The following AKAP9 variants were observed in gnomAD, a reference collection of about 807,000 sequenced individuals.
AKAP9 encodes the protein A-kinase anchoring protein 9.
AKAP9 carries 311 observed loss-of-function variants against 488.5 expected under a neutral mutation model. The observed-to-expected ratio is 0.64, with a 90% CI of 0.58 to 0.70. The LOEUF (loss-of-function observed/expected upper bound fraction) is 0.70, where lower values mean the gene tolerates loss of function less well. Among genes scored for constraint, AKAP9 ranks in the 30% least tolerant of loss-of-function variants. The probability of loss-of-function intolerance (pLI) is 0.00; values close to 1 mark genes in which losing one functional copy is unlikely to be tolerated. For missense variants in AKAP9, 4,215 were observed against 4,374.5 expected, an observed-to-expected ratio of 0.96 and a Z score of 1.03; for synonymous variants, 1,462 against 1,483.5, an observed-to-expected ratio of 0.99 and a Z score of 0.33.
intron 1 of AKAP9, among the ~76,000 whole-genome samples, chr7:91,959,734 AATTAT>A (rs1207944995): frequency 6.6e-6 from 1 of 152,164 alleles, no homozygotes; most frequent in East Asian, 1.9e-4. Context: ...TTTAAAAAAA[AATTAT>A]ATTAAATGAG....
Position 92,079,785 on chromosome 7 carries a change from T to G in AKAP9, c.7652T>G (p.Val2551Gly). 6.2e-7 allele frequency: 1 copy of G among 1,614,042 alleles called. No homozygotes were observed. Among genetic ancestry groups the G allele is most frequent in the Non-Finnish European group, 8.5e-7 (1 of 1,179,988 alleles). The change falls in exon 31 of 50, where the codon GTG becomes GGG. Residue 2551 changes from valine (V) to glycine (G), a missense_variant. Coordinates refer to ENST00000356239, the MANE Select transcript of AKAP9 (RefSeq NM_005751.5). ...VNLQKIVEEK[V>G]AAALVSQIQL... ...CTACAGAAAATAGTTGAAGAAAAAGTGGCTGCTGCTCTTGTCAGTCAAATC... is the reference window on the plus strand; with the variant it reads ...CTACAGAAAATAGTTGAAGAAAAAGGGGCTGCTGCTCTTGTCAGTCAAATC...
Position 92,002,873 on chromosome 7 carries a change from GAGAA to G in AKAP9, c.2961_2964del (p.Lys987AsnfsTer5). ...TGAAGAAGTTAAATCTTTAAAGCAA[GAGAA>G]AGAACAAGTTTCATTGAGATGTAGA... On this transcript the variant is annotated frameshift_variant, in exon 8 of 50. Transcript: ENST00000356239. LOFTEE classifies it high-confidence loss of function. 3 of 1,612,722 alleles carry G rather than the reference GAGAA, an allele frequency of 1.9e-6. No homozygotes were observed. The highest frequency in any genetic ancestry group is 2.5e-6 in the Non-Finnish European group (3 of 1,179,382).
At chr7:91,985,869 G>A (rs988918434) in intron 3 of AKAP9, among the ~76,000 whole-genome samples, 1 of 152,016 alleles carries the variant, frequency 6.6e-6, no homozygotes, top group Non-Finnish European at 1.5e-5. Context: ...AGCTGGTCTC[G>A]AACTCCTGAC....
chr7:92,024,358 G>C (rs1297350149), intron 14 of AKAP9, among the ~76,000 whole-genome samples: 2 of 151,280 alleles, frequency 1.3e-5, no homozygotes, highest in Non-Finnish European at 2.9e-5. Flanking sequence ...GTTGCAGTGA[G>C]CTGAATTTGC....
intron 8 of AKAP9, 131 bp downstream of exon 8, chr7:92,003,366 T>A (rs1799406111): frequency 4.2e-6 from 3 of 708,550 alleles, no homozygotes; most frequent in Non-Finnish European, 6.8e-6. Context: ...GATGTAATTT[T>A]AACTTGAGCC....
At position 92,014,280 on chromosome 7, in the gene AKAP9, T is replaced by C. The variant is rs748732800; in HGVS notation, c.3564T>C (p.Ile1188=). 1.2e-6 allele frequency: 2 copies of C among 1,613,522 alleles called. No individual in the cohort carries two copies. The highest frequency in any genetic ancestry group is 1.1e-5 in the South Asian group (1 of 91,048). ...GDEGKPLHLL[I]GKLQKAVSEE... ...AAGGAAAGCCTTTACATCTGCTCATTGGAAAACTTCAAAAGGCAGTGTCTG... is the reference window on the plus strand; with the variant it reads ...AAGGAAAGCCTTTACATCTGCTCATCGGAAAACTTCAAAAGGCAGTGTCTG... Residue 1188 remains isoleucine, a synonymous_variant, in exon 10 of 50, where the codon ATT becomes ATC. Transcript: ENST00000356239.
At chr7:91,963,798 G>A (rs562834799) in intron 1 of AKAP9, among the ~76,000 whole-genome samples, 3 of 152,198 alleles carry the variant, frequency 2.0e-5, no homozygotes, top group African/African-American at 4.8e-5. Flanking sequence ...GATTACAGGC[G>A]TGAGCCACCG....
chr7:92,030,095 C>A, intron 15 of AKAP9, 104 bp downstream of exon 15: 1 of 804,638 alleles, frequency 1.2e-6, no homozygotes, highest in Non-Finnish European at 2.0e-6. Flanking sequence ...GAGAAGTAAG[C>A]ATAATAAATA....
At chr7:92,050,043 T>C (rs1468465616) in intron 21 of AKAP9, among the ~76,000 whole-genome samples, 1 of 151,258 alleles carries the variant, frequency 6.6e-6, no homozygotes, top group East Asian at 1.9e-4. Flanking sequence ...TGTTCCCTGC[T>C]CAAGGTAAAT....
At chr7:91,951,957 T>G (rs1304256784) in intron 1 of AKAP9, among the ~76,000 whole-genome samples, 1 of 152,216 alleles carries the variant, frequency 6.6e-6, no homozygotes, top group Non-Finnish European at 1.5e-5. Context: ...TGCAGTCCAA[T>G]AAAATCAGGC....
intron 1 of AKAP9, among the ~76,000 whole-genome samples, chr7:91,967,261 A>G (rs1246119622): frequency 2.0e-5 from 3 of 152,168 alleles, no homozygotes; most frequent in Admixed American, 2.0e-4. Flanking sequence ...ATTGTATGCA[A>G]ATAAGGCTAA....
chr7:92,067,076 G>A (rs1364423860), intron 26 of AKAP9, among the ~76,000 whole-genome samples: 1 of 152,160 alleles, frequency 6.6e-6, no homozygotes, highest in Non-Finnish European at 1.5e-5. Context: ...CTGTGACACA[G>A]CTACTCCACT....
chr7:91,959,621 G>C (rs933022621), intron 1 of AKAP9, among the ~76,000 whole-genome samples: 6 of 152,068 alleles, frequency 3.9e-5, no homozygotes, highest in African/African-American at 1.4e-4. Flanking sequence ...TGTCTACTAT[G>C]TGGCAGGCAG....
intron 8 of AKAP9, among the ~76,000 whole-genome samples, chr7:92,004,015 A>G (rs1038755393): frequency 1.3e-5 from 2 of 152,186 alleles, no homozygotes; most frequent in African/African-American, 4.8e-5. Context: ...CTCAAAGAGC[A>G]TATATTTTAG....
intron 21 of AKAP9, among the ~76,000 whole-genome samples, chr7:92,048,095 A>G (rs1807309509): frequency 6.6e-6 from 1 of 152,226 alleles, no homozygotes; most frequent in South Asian, 2.1e-4. Context: ...TTCCATATGT[A>G]AGAATTTTTT....
At chr7:91,998,638 C>T (rs77033940) in intron 7 of AKAP9, among the ~76,000 whole-genome samples, 18,337 of 151,328 alleles carry the variant, frequency 0.12, 1,262 homozygotes, top group East Asian at 0.37. Context: ...GGCCCCACTC[C>T]CCTATATAAA....
intron 3 of AKAP9, among the ~76,000 whole-genome samples, chr7:91,981,778 G>A (rs1034335756): frequency 2.0e-5 from 3 of 151,724 alleles, no homozygotes; most frequent in Admixed American, 1.3e-4. Flanking sequence ...GCTAATTTTT[G>A]TATTTTTAGT....
chr7:92,045,070 C>A lies in AKAP9; in HGVS notation c.5225C>A (p.Thr1742Lys). The A allele has an allele frequency of 6.2e-7, 1 of 1,613,550 alleles. No homozygotes were observed. The highest frequency in any genetic ancestry group is 8.5e-7 in the Non-Finnish European group (1 of 1,179,876). Residue 1742 changes from threonine (T) to lysine (K), a missense_variant, in exon 21 of 50, where the codon ACA (threonine) becomes AAA (lysine). By Grantham distance (78) the Thr-to-Lys change is moderately conservative. This residue lies in a region of AKAP9 where 2,361 missense variants were observed against 2,430.0 expected (regional missense o/e 0.97). Transcript: ENST00000356239. ...ATCCTCTTAGAAGTTGTAAAGACAA[C>A]AGCAGCTGTTGAAGAAACAATTGGT... ...LKILLEVVKTTAAVEETIGRH... is the reference protein window; with the variant it reads ...LKILLEVVKTKAAVEETIGRH...
intron 39 of AKAP9, among the ~76,000 whole-genome samples, chr7:92,093,612 C>T (rs963656137): frequency 1.1e-4 from 16 of 151,970 alleles, no homozygotes; most frequent in East Asian, 1.9e-4. Context: ...TATTTATGAA[C>T]GCAGTAGAAT....
Sources: allele counts gnomAD v4.1 joint callset (sites outside exome capture counted in the v4.1 genomes callset), GRCh38; gene constraint gnomAD v4.1.1; regional missense constraint gnomAD v4.1.1; transcripts MANE v1.5; gene names NCBI Gene and HGNC (gene_info 2026-07-23, HGNC 2026-07-21).